The following UBAC2 variants were observed in gnomAD, a reference collection of about 807,000 sequenced individuals.
UBAC2 encodes UBA domain containing 2.
UBAC2 carries 26 observed loss-of-function variants against 44.0 expected under a neutral mutation model. That is an observed-to-expected ratio of 0.59 (90% CI 0.43 to 0.82). The LOEUF (loss-of-function observed/expected upper bound fraction) is 0.82, where lower values mean the gene tolerates loss of function less well. UBAC2 is among the 40% of genes least tolerant of loss of function. UBAC2 has a pLI of 0.00. For missense variants in UBAC2, 329 were observed against 419.4 expected (o/e 0.78, Z 1.88); for synonymous variants, 155 against 154.3 (o/e 1.00, Z -0.04).
At chr13:99,361,835 A>T (rs189245645) in intron 7 of UBAC2, among the ~76,000 whole-genome samples, 6 of 152,226 alleles carry the variant, frequency 3.9e-5, no homozygotes, top group African/African-American at 1.4e-4. Flanking sequence ...ATATCCATCT[A>T]AAAAAGTTAA....
intron 4 of UBAC2, among the ~76,000 whole-genome samples, chr13:99,290,151 C>T (rs927849379): frequency 3.9e-5 from 6 of 152,212 alleles, no homozygotes; most frequent in Non-Finnish European, 7.3e-5. Context: ...CTCAACCTCT[C>T]TGGAGCATAG....
chr13:99,355,062 G>A (rs887477948), intron 7 of UBAC2, among the ~76,000 whole-genome samples: 1 of 152,186 alleles, frequency 6.6e-6, no homozygotes, highest in Non-Finnish European at 1.5e-5. Context: ...ACATGAAAAT[G>A]GATGAACTCT....
At chr13:99,374,525 A>G (rs2045454251) in intron 8 of UBAC2, among the ~76,000 whole-genome samples, 1 of 152,198 alleles carries the variant, frequency 6.6e-6, no homozygotes, top group Non-Finnish European at 1.5e-5. Flanking sequence ...TTAAACCCAC[A>G]AGGTGCTTTC....
chr13:99,364,868 G>A (rs2045310849), intron 7 of UBAC2, among the ~76,000 whole-genome samples: 1 of 152,166 alleles, frequency 6.6e-6, no homozygotes, highest in Non-Finnish European at 1.5e-5. Flanking sequence ...GGGCATTTGG[G>A]TAGTTCCCGT....
At position 99,295,753 on chromosome 13, in the gene UBAC2, A is replaced by G; in HGVS notation, c.390-18344A>G. 1 of 1,614,174 alleles carries G rather than the reference A, an allele frequency of 6.2e-7. No homozygotes were observed. ...TGTAGCGTAGAGGGTGCACCACAGC[A>G]ATGAAGCGGTCAATACTCAGGCAGG... On this transcript the variant is annotated intron_variant, in intron 4 of 8. Transcript: ENST00000403766. This position sits in a 1 kb window ranked among gnomAD's most constrained non-coding sequence, Gnocchi z 4.1.
intron 4 of UBAC2, among the ~76,000 whole-genome samples, chr13:99,263,530 G>C (rs1389932543): frequency 6.6e-6 from 1 of 152,244 alleles, no homozygotes; most frequent in East Asian, 1.9e-4. Flanking sequence ...GTTGAGTGAT[G>C]AGGGTATCGA....
At chr13:99,274,836 GC>G (rs1340515928) in intron 4 of UBAC2, among the ~76,000 whole-genome samples, 2 of 151,164 alleles carry the variant, frequency 1.3e-5, no homozygotes, top group Admixed American at 6.6e-5. Flanking sequence ...TCCCACCTCA[GC>G]CTCCCAAGTA....
chr13:99,373,175 T>G (rs991263501), intron 8 of UBAC2, among the ~76,000 whole-genome samples: 1 of 114,670 alleles, frequency 8.7e-6, no homozygotes, highest in Non-Finnish European at 2.0e-5. Context: ...TTTATTGTTT[T>G]TTTTTTTTTT....
intron 4 of UBAC2, among the ~76,000 whole-genome samples, chr13:99,253,568 C>T (rs1202841004): frequency 1.3e-5 from 2 of 151,942 alleles, no homozygotes; most frequent in Admixed American, 6.6e-5. Flanking sequence ...GGCTGGAGTG[C>T]AATGGCGCAA....
At chr13:99,384,260 A>C (rs145827468) in intron 8 of UBAC2, among the ~76,000 whole-genome samples, 11 of 152,318 alleles carry the variant, frequency 7.2e-5, no homozygotes, top group Non-Finnish European at 1.2e-4. Context: ...GTGGCTAAAA[A>C]ACTCAACATG....
chr13:99,252,736 A>G (rs2043473873), intron 4 of UBAC2, among the ~76,000 whole-genome samples: 1 of 152,234 alleles, frequency 6.6e-6, no homozygotes, highest in Non-Finnish European at 1.5e-5. Flanking sequence ...GTATTTGGTT[A>G]TAATGCTAAG....
chr13:99,345,737 C>CTTT (rs1566513493), intron 7 of UBAC2, among the ~76,000 whole-genome samples: 1 of 131,262 alleles, frequency 7.6e-6, no homozygotes. Context: ...TTCTTTTTTT[C>CTTT]TTTCTTTTTT....
At chr13:99,375,558 G>A (rs9517700) in intron 8 of UBAC2, among the ~76,000 whole-genome samples, 38,073 of 152,054 alleles carry the variant, frequency 0.25, 5,956 homozygotes, top group Non-Finnish European at 0.34. Context: ...TTCTGCAAGC[G>A]TCAGAATATG....
At chr13:99,350,189 T>C (rs1237596550) in intron 7 of UBAC2, among the ~76,000 whole-genome samples, 1 of 152,232 alleles carries the variant, frequency 6.6e-6, no homozygotes, top group Non-Finnish European at 1.5e-5. Flanking sequence ...TATATCTAAT[T>C]TGTATTATGA....
intron 4 of UBAC2, among the ~76,000 whole-genome samples, chr13:99,300,431 A>G (rs1418005593): frequency 6.6e-6 from 1 of 152,182 alleles, no homozygotes; most frequent in East Asian, 1.9e-4. Flanking sequence ...TGTGTTATTA[A>G]TGTGGTAGTT....
At chr13:99,224,064 A>G (rs2043083619) in intron 1 of UBAC2, among the ~76,000 whole-genome samples, 1 of 152,222 alleles carries the variant, frequency 6.6e-6, no homozygotes, top group Non-Finnish European at 1.5e-5. Context: ...TTGGGCTGCC[A>G]TAACAAAATA....
intron 4 of UBAC2, among the ~76,000 whole-genome samples, chr13:99,260,018 C>T (rs1435571581): frequency 3.3e-5 from 5 of 152,192 alleles, no homozygotes; most frequent in Admixed American, 6.5e-5. Flanking sequence ...CCATTCCAGC[C>T]CTCTGGACTG....
intron 7 of UBAC2, among the ~76,000 whole-genome samples, chr13:99,360,583 G>A (rs1264676017): frequency 1.3e-5 from 2 of 152,130 alleles, no homozygotes; most frequent in Admixed American, 6.5e-5. Context: ...CCTTAGCATT[G>A]CTTTGCTCCT....
chr13:99,347,230 C>T (rs1322498267), intron 7 of UBAC2, among the ~76,000 whole-genome samples: 1 of 148,032 alleles, frequency 6.8e-6, no homozygotes, highest in African/African-American at 2.5e-5. Flanking sequence ...AGGAGAAAAC[C>T]AGTTCAGTGG....
Sources: allele counts gnomAD v4.1 joint callset (sites outside exome capture counted in the v4.1 genomes callset), GRCh38; gene constraint gnomAD v4.1.1; non-coding constraint Gnocchi (gnomAD v3.1); transcripts MANE v1.5; gene names NCBI Gene and HGNC (gene_info 2026-07-23, HGNC 2026-07-21).